Variants in ZDHHC21 observed in about 807,000 individuals in gnomAD.
The protein encoded by ZDHHC21 is palmitoyltransferase ZDHHC21.
In ZDHHC21, 15 loss-of-function variants were observed where a neutral mutation model predicts 34.6. That is an observed-to-expected ratio of 0.43 (90% confidence interval 0.29 to 0.67). The LOEUF (loss-of-function observed/expected upper bound fraction) is 0.67. Among genes scored for constraint, ZDHHC21 ranks in the 30% least tolerant of loss-of-function variants. ZDHHC21 has a pLI of 0.14. For synonymous variants in ZDHHC21, 142 were observed against 101.8 expected (o/e 1.40, Z -2.38); for missense variants, 344 against 327.7 (o/e 1.05, Z -0.38).
rs1432036770 is a variant in ZDHHC21, at chr9:14,690,847, T to C, written c.-224-462A>G. 2.0e-5 allele frequency among the ~76,000 whole-genome samples: 3 copies of C among 152,342 alleles called. No individual in the cohort carries two copies. The East Asian group carries it at 5.8e-4, about 29-fold the overall frequency. On this transcript the variant is annotated intron_variant, in intron 1 of 9. Coordinates refer to ENST00000380916, the MANE Select transcript of ZDHHC21 (RefSeq NM_178566.6). ...AAAAACTGTTTTACAATTTCACCTG[T>C]ATTTTTACCTTTAATAAGAGTTATT... is the stretch of plus-strand genomic sequence containing the variant.
At position 14,672,878 on chromosome 9, in the gene ZDHHC21, T is replaced by C. The variant is rs748343411; in HGVS notation, c.205A>G (p.Ile69Val). The C allele has an allele frequency of 6.2e-6, 10 of 1,608,914 alleles. No homozygotes were observed. Among genetic ancestry groups the C allele is most frequent in the African/African-American group, 4.0e-5 (3 of 74,810 alleles). Reference protein sequence around the residue: ...FCLVALVRASITDPGRLPENP... With the variant: ...FCLVALVRASVTDPGRLPENP... ...TCAGGGAGTCTTCCTGGATCAGTTA[T>C]GGAGGCCCTCACTAAGGCAACCAGA... The change falls in exon 5 of 10, where the codon ATA (isoleucine) becomes GTA (valine). Residue 69 changes from isoleucine (I) to valine (V), a missense_variant. Ile to Val is a conservative substitution (Grantham distance 29). Transcript: ENST00000380916.
chr9:14,609,090 CCAAA>C (rs34258891), downstream of ZDHHC21, among the ~76,000 whole-genome samples: 72,288 of 151,400 alleles, frequency 0.48, 17,655 homozygotes, highest in Middle Eastern at 0.55. Flanking sequence ...TGTTTCCTCC[CCAAA>C]CAAAGCCAAA....
At chr9:14,594,695 T>C in the ZDHHC21 span, among the ~76,000 whole-genome samples, 1 of 152,136 alleles carries the variant, frequency 6.6e-6, no homozygotes, top group African/African-American at 2.4e-5. Flanking sequence ...AATGATAAAT[T>C]GGAATTCATC....
intron 5 of ZDHHC21, among the ~76,000 whole-genome samples, chr9:14,671,753 A>G (rs1352073939): frequency 6.6e-6 from 1 of 152,168 alleles, no homozygotes; most frequent in Non-Finnish European, 1.5e-5. Flanking sequence ...AACTGTGGGC[A>G]TACAAAAACC....
chr9:14,589,204 A>G, the ZDHHC21 span: 1 of 152,164 alleles, frequency 6.6e-6, no homozygotes, highest in Non-Finnish European at 1.5e-5. Flanking sequence ...ACTGCCAGAG[A>G]TAAACACATA....
chr9:14,611,048 A>G (rs1164733756), downstream of ZDHHC21: 1 of 152,048 alleles, frequency 6.6e-6, no homozygotes, highest in East Asian at 1.9e-4. Flanking sequence ...TAAGTAAGAA[A>G]GGTAAGAGGA....
At chr9:14,601,609 C>G in the ZDHHC21 span, among the ~76,000 whole-genome samples, 14 of 152,152 alleles carry the variant, frequency 9.2e-5, no homozygotes, top group Non-Finnish European at 1.8e-4. Context: ...GGATCTATAA[C>G]CAGAATTACC....
intron 7 of ZDHHC21, among the ~76,000 whole-genome samples, chr9:14,643,743 T>C (rs879652947): frequency 6.6e-6 from 1 of 152,204 alleles, no homozygotes; most frequent in Non-Finnish European, 1.5e-5. Flanking sequence ...AATTTACTTT[T>C]TGTATATGAA....
downstream of ZDHHC21, among the ~76,000 whole-genome samples, chr9:14,606,250 G>A (rs544828528): frequency 1.4e-4 from 22 of 152,180 alleles, no homozygotes; most frequent in South Asian, 6.2e-4. Flanking sequence ...GTTCTCTCCC[G>A]CTGACTCTGG....
intron 5 of ZDHHC21, among the ~76,000 whole-genome samples, chr9:14,669,611 C>A (rs1172019630): frequency 1.4e-5 from 2 of 144,542 alleles, no homozygotes; most frequent in African/African-American, 2.6e-5. Context: ...ACCCAAATGT[C>A]CAACAATGAT....
chr9:14,681,730 GGTGTGT>G (rs34935934), intron 2 of ZDHHC21, among the ~76,000 whole-genome samples: 33,201 of 148,482 alleles, frequency 0.22, 3,968 homozygotes, highest in South Asian at 0.33. Context: ...TAAGGGGAAT[GGTGTGT>G]GTGTGTGTGT....
In ZDHHC21 at chr9:14,611,358, CT is replaced by C. The variant is rs1318460485; in HGVS notation, c.*7607del. On this transcript the variant is annotated 3_prime_UTR_variant, in exon 10 of 10. Coordinates refer to ENST00000380916, the MANE Select transcript of ZDHHC21 (RefSeq NM_178566.6). ...CTTGTCATTTCACCCATTTTACTCA[CT>C]CTTCTCAAACTATTCTTACATCTCT... 4 of 151,950 alleles carry C rather than the reference CT, an allele frequency of 2.6e-5. No individual in the cohort carries two copies. The highest frequency in any genetic ancestry group is 5.9e-5 in the Non-Finnish European group (4 of 67,916). 9.4% of individuals were successfully genotyped at this position (151,950 alleles called of 1,614,324 possible).
chr9:14,649,095 C>T (rs1830767561), intron 7 of ZDHHC21, among the ~76,000 whole-genome samples: 1 of 151,938 alleles, frequency 6.6e-6, no homozygotes, highest in Non-Finnish European at 1.5e-5. Flanking sequence ...ATGCCAGTAG[C>T]ACTCCCCTAG....
At chr9:14,674,056 A>G (rs1006481581) in intron 4 of ZDHHC21, 131 bp downstream of exon 4, 1 of 498,162 alleles carries the variant, frequency 2.0e-6, no homozygotes, top group Admixed American at 4.4e-5. Context: ...ATTAGTAAAT[A>G]ACTGAATATT....
At chr9:14,629,576 T>A in intron 8 of ZDHHC21, among the ~76,000 whole-genome samples, 1 of 152,186 alleles carries the variant, frequency 6.6e-6, no homozygotes. Context: ...TACAACAGCA[T>A]TATGTCTAAA....
chr9:14,643,965 T>A (rs1829843571), intron 7 of ZDHHC21, among the ~76,000 whole-genome samples: 2 of 152,202 alleles, frequency 1.3e-5, no homozygotes, highest in South Asian at 4.1e-4. Flanking sequence ...TGCAAGAACG[T>A]CTTGATTATT....
intron 5 of ZDHHC21, among the ~76,000 whole-genome samples, chr9:14,668,609 A>G (rs1834913852): frequency 6.6e-6 from 1 of 151,826 alleles, no homozygotes; most frequent in African/African-American, 2.4e-5. Flanking sequence ...CTATACAACA[A>G]GGCTACAGTA....
At chr9:14,668,917 A>T in intron 5 of ZDHHC21, among the ~76,000 whole-genome samples, 1 of 117,570 alleles carries the variant, frequency 8.5e-6, no homozygotes, top group Non-Finnish European at 1.8e-5. Context: ...AAACCTAGGC[A>T]TTACCATTCA....
chr9:14,605,633 T>TA, the ZDHHC21 span, among the ~76,000 whole-genome samples: 4 of 152,202 alleles, frequency 2.6e-5, no homozygotes, highest in East Asian at 5.8e-4. Context: ...TCCCATTCGA[T>TA]AGACTGCCAT....
Sources: gnomAD v4.1 joint callset for allele counts (sites outside exome capture counted in the v4.1 genomes callset) on GRCh38, gnomAD v4.1.1 for gene constraint, MANE v1.5 for transcripts, NCBI Gene and HGNC (gene_info 2026-07-23, HGNC 2026-07-21) for gene names.